LSAMP: variants seen among roughly 807,000 people sequenced by gnomAD.
LSAMP encodes limbic system-associated membrane protein.
LSAMP carries 7 observed loss-of-function variants against 38.6 expected under a neutral mutation model. That is an observed-to-expected ratio of 0.18 (90% CI 0.10 to 0.34). LSAMP has a LOEUF of 0.34. Ranked by LOEUF, LSAMP falls within the 10% of genes least tolerant of loss-of-function variation. LSAMP has a pLI of 1.00. For missense variants in LSAMP, 313 were observed against 420.0 expected (o/e 0.75, Z 2.23); for synonymous variants, 154 against 166.8 (o/e 0.92, Z 0.59).
At chr3:116,165,044 C>T (rs1298711248) in intron 1 of LSAMP, among the ~76,000 whole-genome samples, 1 of 152,134 alleles carries the variant, frequency 6.6e-6, no homozygotes, top group Non-Finnish European at 1.5e-5. Context: ...TAAACATTCA[C>T]TAAATCTGTT....
At chr3:116,061,326 A>C (rs759883092) in intron 2 of LSAMP, among the ~76,000 whole-genome samples, 3 of 152,186 alleles carry the variant, frequency 2.0e-5, no homozygotes, top group Non-Finnish European at 2.9e-5. Flanking sequence ...TATGATTTTA[A>C]ATAAATTTAA....
At chr3:115,837,645 C>T (rs895546925) in intron 6 of LSAMP, among the ~76,000 whole-genome samples, 3 of 151,874 alleles carry the variant, frequency 2.0e-5, no homozygotes, top group Admixed American at 6.6e-5. Flanking sequence ...GGAAAGGCCT[C>T]GTTGAGTGAA....
intron 6 of LSAMP, among the ~76,000 whole-genome samples, chr3:115,835,371 A>G (rs3772956): frequency 0.16 from 23,999 of 152,164 alleles, 2,315 homozygotes; most frequent in Non-Finnish European, 0.22. Context: ...GACCATAGAT[A>G]GAATGTACTG....
intron 1 of LSAMP, among the ~76,000 whole-genome samples, chr3:116,214,616 C>T (rs1413723005): frequency 2.0e-5 from 3 of 151,552 alleles, no homozygotes; most frequent in African/African-American, 7.3e-5. Flanking sequence ...CAATTCTCCA[C>T]CTCAGCCTCC....
chr3:115,889,143 C>A (rs1025526987), intron 3 of LSAMP, among the ~76,000 whole-genome samples: 3 of 151,874 alleles, frequency 2.0e-5, no homozygotes, highest in African/African-American at 7.2e-5. Flanking sequence ...TCATCCAGTA[C>A]AGGGCTGGAA....
chr3:115,815,591 C>G (rs926266100), intron 6 of LSAMP, among the ~76,000 whole-genome samples: 1 of 152,144 alleles, frequency 6.6e-6, no homozygotes, highest in Non-Finnish European at 1.5e-5. Context: ...TAGTCCAATA[C>G]GTAGAACTTC....
intron 3 of LSAMP, among the ~76,000 whole-genome samples, chr3:115,854,276 A>ACTAT (rs1935427875): frequency 8.4e-6 from 1 of 119,604 alleles, no homozygotes; most frequent in East Asian, 2.2e-4. Flanking sequence ...TATTATTATT[A>ACTAT]TTATTATTTT....
rs57505678 is a variant in LSAMP at position 115,965,607 on chromosome 3, G to GT, written c.514+53907dup. ...CAACTAGAAGATTTTTGTATTTTAG[G>GT]TTTTTTTTTTTTTTGCAGTTTATAT... On this transcript the variant is annotated intron_variant, in intron 3 of 6. Transcript: ENST00000490035. Among the ~76,000 whole-genome samples the GT allele has an allele frequency of 6.4e-3, 871 of 137,088 alleles. 7 individuals are homozygous for GT. The highest frequency in any genetic ancestry group is 0.017 in the African/African-American group (635 of 38,428). The allele number at this position is 137,088 out of a possible 152,430, so 89.9% of individuals were successfully genotyped here.
chr3:115,904,798 A>G (rs1282497947), intron 3 of LSAMP, among the ~76,000 whole-genome samples: 2 of 151,902 alleles, frequency 1.3e-5, no homozygotes, highest in South Asian at 2.1e-4. Flanking sequence ...ACCACTTCCT[A>G]TTGTGCTGTT....
intron 1 of LSAMP, among the ~76,000 whole-genome samples, chr3:116,291,975 A>G (rs558030244): frequency 6.6e-6 from 1 of 152,274 alleles, no homozygotes; most frequent in East Asian, 1.9e-4. Context: ...CTTCTTCATT[A>G]CTACAAATTT....
At chr3:116,044,807 A>G (rs555995510) in intron 2 of LSAMP, among the ~76,000 whole-genome samples, 1 of 152,286 alleles carries the variant, frequency 6.6e-6, no homozygotes, top group East Asian at 1.9e-4. Flanking sequence ...TGTAAGAAGG[A>G]GAGGTGAGCA....
chr3:116,245,341 T>C (rs1171331328), intron 1 of LSAMP, among the ~76,000 whole-genome samples: 1 of 152,198 alleles, frequency 6.6e-6, no homozygotes, highest in Non-Finnish European at 1.5e-5. Flanking sequence ...CACCCCACTA[T>C]GATATGGCTG....
At chr3:116,419,942 T>G (rs2049099651) in intron 1 of LSAMP, among the ~76,000 whole-genome samples, 2 of 152,250 alleles carry the variant, frequency 1.3e-5, no homozygotes, top group Admixed American at 1.3e-4. Context: ...TTAGAAATTC[T>G]AAGTTTTGTT....
chr3:115,858,850 T>C (rs1016446758), intron 3 of LSAMP, among the ~76,000 whole-genome samples: 5 of 152,212 alleles, frequency 3.3e-5, no homozygotes, highest in African/African-American at 1.2e-4. Flanking sequence ...AGTGATGCCA[T>C]TTGAAGTTTC....
At position 116,273,683 on chromosome 3, in the gene LSAMP, C is replaced by CAGATATATATATATATATAT. The variant is rs150705226; in HGVS notation, c.155+171193_155+171194insATATATATATATATATATCT. On this transcript the variant is annotated intron_variant, in intron 1 of 6. Transcript: ENST00000490035. ...GACCACCAAGAGAAAGAGAAAGAGG[C>CAGATATATATATATATATAT]ATATATATATATATATATATATATA... is the stretch of plus-strand genomic sequence containing the variant. Among the ~76,000 whole-genome samples, 206 of 50,234 alleles carry CAGATATATATATATATATAT rather than the reference C, an allele frequency of 4.1e-3. 10 individuals are homozygous for CAGATATATATATATATATAT. Among genetic ancestry groups the CAGATATATATATATATATAT allele is most frequent in the African/African-American group, 8.6e-3 (68 of 7,878 alleles). 33.0% of individuals were successfully genotyped at this position (50,234 alleles called of 152,430 possible). A position where few individuals can be genotyped will look rare whatever the true frequency, so the allele number is the denominator to read the frequency against.
chr3:115,958,353 A>G (rs1444316407), intron 3 of LSAMP, among the ~76,000 whole-genome samples: 1 of 152,186 alleles, frequency 6.6e-6, no homozygotes, highest in Admixed American at 6.5e-5. Flanking sequence ...ACAAATAACT[A>G]TAGGGTAAAG....
chr3:116,164,779 TA>T (rs1710007973), intron 1 of LSAMP, among the ~76,000 whole-genome samples: 1 of 135,600 alleles, frequency 7.4e-6, no homozygotes, highest in South Asian at 2.4e-4. Flanking sequence ...TTTTTTCAAG[TA>T]GCATCTAGCT....
chr3:115,994,487 A>T (rs1164501829), intron 3 of LSAMP, among the ~76,000 whole-genome samples: 2 of 152,084 alleles, frequency 1.3e-5, no homozygotes, highest in Admixed American at 1.3e-4. Flanking sequence ...TGATCCTTTC[A>T]TGAAGCTTGG....
intron 3 of LSAMP, among the ~76,000 whole-genome samples, chr3:115,943,502 A>AC (rs1302200783): frequency 7.2e-5 from 11 of 152,080 alleles, no homozygotes; most frequent in African/African-American, 2.7e-4. Flanking sequence ...AGTTAGGCTA[A>AC]TTTTTCCTAT....
Sources: gnomAD v4.1 joint callset for allele counts (sites outside exome capture counted in the v4.1 genomes callset) on GRCh38, gnomAD v4.1.1 for gene constraint, MANE v1.5 for transcripts, NCBI Gene and HGNC (gene_info 2026-07-23, HGNC 2026-07-21) for gene names.